MARCO: variants seen among roughly 807,000 people sequenced by gnomAD.
The protein encoded by MARCO is macrophage receptor MARCO.
A neutral mutation model predicts 70.0 loss-of-function variants in MARCO; 72 were observed. The observed-to-expected ratio is 1.03, with a 90% CI of 0.85 to 1.25. The LOEUF is 1.25. Among genes scored for constraint, MARCO ranks in the 50% most tolerant of loss-of-function variants. MARCO has a pLI of 0.00. For missense variants in MARCO, 696 were observed against 659.3 expected (o/e 1.06, Z -0.61); for synonymous variants, 273 against 243.1 (o/e 1.12, Z -1.14).
intron 6 of MARCO, among the ~76,000 whole-genome samples, chr2:118,976,518 C>G (rs1468537241): frequency 1.3e-5 from 2 of 152,132 alleles, no homozygotes; most frequent in Non-Finnish European, 2.9e-5. Context: ...CTCAACAGAT[C>G]CCTCCCTGCC....
chr2:118,947,212 G>A (rs560846543), intron 1 of MARCO, among the ~76,000 whole-genome samples: 8 of 152,132 alleles, frequency 5.3e-5, no homozygotes, highest in South Asian at 2.1e-4. Flanking sequence ...TTATGCTTTC[G>A]GTGTCAAGTC....
chr2:118,993,101 C>T (rs1260594732), intron 15 of MARCO, 23 bp from the exon 16 acceptor site: 1 of 1,612,988 alleles, frequency 6.2e-7, no homozygotes, highest in Non-Finnish European at 8.5e-7. Context: ...CCTTGCCTCT[C>T]CCATGTGTGT....
intron 1 of MARCO, among the ~76,000 whole-genome samples, chr2:118,943,454 A>C (rs1222304793): frequency 1.3e-5 from 2 of 152,252 alleles, no homozygotes; most frequent in Non-Finnish European, 2.9e-5. Context: ...AGGGCACTGC[A>C]CTCAGCACTG....
At chr2:118,946,264 C>T (rs1679597862) in intron 1 of MARCO, among the ~76,000 whole-genome samples, 1 of 152,084 alleles carries the variant, frequency 6.6e-6, no homozygotes, top group East Asian at 1.9e-4. Flanking sequence ...TACATGCACT[C>T]GTCTCTGTGT....
intron 12 of MARCO, among the ~76,000 whole-genome samples, chr2:118,987,260 G>T (rs1195211551): frequency 6.6e-6 from 1 of 152,196 alleles, no homozygotes; most frequent in African/African-American, 2.4e-5. Context: ...TTGCTCTCCA[G>T]CGTAGTTTTA....
At chr2:118,990,143 A>G (rs1428477257) in intron 12 of MARCO, among the ~76,000 whole-genome samples, 2 of 152,232 alleles carry the variant, frequency 1.3e-5, no homozygotes, top group African/African-American at 4.8e-5. Context: ...CAAATACTTG[A>G]AGAGCATCTA....
intron 1 of MARCO, among the ~76,000 whole-genome samples, chr2:118,946,494 T>A (rs1223299864): frequency 2.0e-5 from 3 of 152,216 alleles, no homozygotes; most frequent in Non-Finnish European, 4.4e-5. Flanking sequence ...CCAAGTTGTA[T>A]CCATCCATAG....
At position 118,974,360 on chromosome 2, in the gene MARCO, G is replaced by T. The variant is rs144036978; in HGVS notation, c.488G>T (p.Gly163Val). 3 of 1,606,246 alleles carry T rather than the reference G, an allele frequency of 1.9e-6. No homozygotes were observed. The highest frequency in any genetic ancestry group is 2.5e-6 in the Non-Finnish European group (3 of 1,176,628). The change falls in exon 5 of 17, where the codon GGC (glycine) becomes GTC (valine). Residue 163 changes from glycine (G) to valine (V), a missense_variant. By Grantham distance (109) the Gly-to-Val change is moderately radical. Coordinates refer to ENST00000327097, the MANE Select transcript of MARCO (RefSeq NM_006770.4). ...CTTCAAGGTCACAAGGGGGCCATGG[G>T]CATGCCTGGTGCCCCTGGCCCGCCG... Reference protein sequence around the residue: ...PGLQGHKGAMGMPGAPGPPGP... With the variant: ...PGLQGHKGAMVMPGAPGPPGP...
chr2:118,945,923 C>A (rs921118614), intron 1 of MARCO, among the ~76,000 whole-genome samples: 3 of 152,194 alleles, frequency 2.0e-5, no homozygotes, highest in Non-Finnish European at 4.4e-5. Context: ...TACTCTAGAG[C>A]AACCTTCAAC....
intron 12 of MARCO, among the ~76,000 whole-genome samples, chr2:118,988,282 T>G (rs577582817): frequency 4.6e-5 from 7 of 152,180 alleles, no homozygotes; most frequent in African/African-American, 1.4e-4. Flanking sequence ...GGCTTCCCTA[T>G]GATTCCTGTC....
intron 1 of MARCO, among the ~76,000 whole-genome samples, chr2:118,960,911 C>A (rs1049592484): frequency 5.9e-5 from 9 of 151,996 alleles, no homozygotes; most frequent in Non-Finnish European, 1.2e-4. Flanking sequence ...CCTGACTGGC[C>A]CCAGTGTGTG....
At chr2:118,954,169 G>A (rs1032095163) in intron 1 of MARCO, among the ~76,000 whole-genome samples, 3 of 152,228 alleles carry the variant, frequency 2.0e-5, no homozygotes, top group Non-Finnish European at 4.4e-5. Flanking sequence ...GAAAGCCTCA[G>A]GCAAGTTTTC....
In MARCO at chr2:118,942,238, G is replaced by T. The variant is rs924934210; in HGVS notation, c.-63G>T. 4.9e-6 allele frequency: 5 copies of T among 1,025,548 alleles called. No individual in the cohort carries two copies. In the African/African-American group the frequency reaches 6.4e-5, roughly 13 times the overall value. The allele number at this position is 1,025,548 out of a possible 1,614,324, so 63.5% of individuals were successfully genotyped here. On this transcript the variant is annotated 5_prime_UTR_variant, in exon 1 of 17. Transcript: ENST00000327097. Reference sequence around the variant, plus strand: ...CGATGGGAAGGATCTTTCTCCAAGTGGTTCCTCTTGAGGGGAGCATTTCTG... The same window carrying T: ...CGATGGGAAGGATCTTTCTCCAAGTTGTTCCTCTTGAGGGGAGCATTTCTG...
At chr2:118,992,979 G>T in intron 15 of MARCO, 145 bp from the exon 16 acceptor site, 1 of 752,844 alleles carries the variant, frequency 1.3e-6, no homozygotes, top group Non-Finnish European at 2.2e-6. Flanking sequence ...ACTGTAAAGT[G>T]GGATCTTCCA....
chr2:118,949,058 G>A (rs1475625840), intron 1 of MARCO, among the ~76,000 whole-genome samples: 1 of 152,186 alleles, frequency 6.6e-6, no homozygotes, highest in Non-Finnish European at 1.5e-5. Context: ...CTTGTCATTG[G>A]ATATATGAGG....
chr2:118,950,823 A>G lies in MARCO; in HGVS notation c.97+8426A>G, dbSNP rs1434020701. On this transcript the variant is annotated intron_variant, in intron 1 of 16. Transcript: ENST00000327097. ...CCCTTTTTTTTTCCTCAAAGATGAT[A>G]GCCATTCTTTTCCAAAGTGAACTTC... 3.3e-5 allele frequency among the ~76,000 whole-genome samples: 5 copies of G among 152,010 alleles called. No homozygotes were observed. In the East Asian group the frequency reaches 9.7e-4, roughly 29 times the overall value.
At chr2:118,993,332 C>T (rs749710770) in intron 16 of MARCO, 32 bp downstream of exon 16, 1 of 1,607,808 alleles carries the variant, frequency 6.2e-7, no homozygotes, top group Non-Finnish European at 8.5e-7. Context: ...GGCCTCTTCC[C>T]CAGAGGTGTG....
At chr2:118,966,079 G>T (rs1680041979) in intron 1 of MARCO, among the ~76,000 whole-genome samples, 1 of 151,250 alleles carries the variant, frequency 6.6e-6, no homozygotes, top group South Asian at 2.1e-4. Flanking sequence ...CCTGGAGGAG[G>T]ACACCCTACC....
At chr2:118,977,321 AG>A in intron 6 of MARCO, 149 bp from the exon 7 acceptor site, 2 of 518,726 alleles carry the variant, frequency 3.9e-6, no homozygotes, top group South Asian at 2.7e-5. Flanking sequence ...TGTGAAAAAG[AG>A]AGAGAGAGAG....
Sources: gnomAD v4.1 joint callset for allele counts (sites outside exome capture counted in the v4.1 genomes callset) on GRCh38, gnomAD v4.1.1 for gene constraint, MANE v1.5 for transcripts, NCBI Gene and HGNC (gene_info 2026-07-23, HGNC 2026-07-21) for gene names.